GLIS3: variants seen among roughly 807,000 people sequenced by gnomAD.
The protein encoded by GLIS3 is zinc finger protein GLIS3.
Under a neutral mutation model 78.6 loss-of-function variants are expected in GLIS3, and 53 were observed. The observed-to-expected ratio is 0.67, with a 90% CI of 0.54 to 0.85. The LOEUF (loss-of-function observed/expected upper bound fraction) is 0.85, where lower values mean the gene tolerates loss of function less well. GLIS3 is among the 40% of genes least tolerant of loss of function. The probability of loss-of-function intolerance (pLI) is 0.00; values close to 1 mark genes in which losing one functional copy is unlikely to be tolerated. For missense variants in GLIS3, 1,703 were observed against 1,231.1 expected (o/e 1.38, Z -5.74); for synonymous variants, 684 against 509.9 (o/e 1.34, Z -4.60).
chr9:3,955,949 T>G (rs1817070838), intron 4 of GLIS3, among the ~76,000 whole-genome samples: 1 of 143,592 alleles, frequency 7.0e-6, no homozygotes, highest in Non-Finnish European at 1.5e-5. Flanking sequence ...AGTATATACG[T>G]ACAAGTGATT....
chr9:4,421,656 C>G, the GLIS3 span, among the ~76,000 whole-genome samples: 1 of 152,214 alleles, frequency 6.6e-6, no homozygotes, highest in Admixed American at 6.5e-5. Context: ...TACTGCATAG[C>G]TCACTGCCTT....
At chr9:4,032,357 C>G (rs1405454213) in intron 4 of GLIS3, among the ~76,000 whole-genome samples, 1 of 152,172 alleles carries the variant, frequency 6.6e-6, no homozygotes, top group Non-Finnish European at 1.5e-5. Flanking sequence ...AGCGTAATCA[C>G]CAAGAACCAA....
At chr9:4,464,906 C>T in the GLIS3 span, among the ~76,000 whole-genome samples, 1 of 152,112 alleles carries the variant, frequency 6.6e-6, no homozygotes, top group African/African-American at 2.4e-5. Flanking sequence ...AAGAAACCCC[C>T]CAAAATGGTA....
rs752036990 is a variant in GLIS3, at chr9:4,117,963, G to C, written c.1515C>G (p.Ile505Met). Residue 505 changes from isoleucine to methionine, a missense_variant, in exon 4 of 11, where the codon ATC (isoleucine) becomes ATG (methionine). By Grantham distance (10) the Ile-to-Met change is conservative. Coordinates refer to ENST00000381971, the MANE Select transcript of GLIS3 (RefSeq NM_001042413.2). Reference protein sequence around the residue: ...GIGGKHCCRWIDCSALYDQQE... With the variant: ...GIGGKHCCRWMDCSALYDQQE... ...GCTGGTCGTACAGGGCGCTGCAGTC[G>C]ATCCAGCGGCAGCAATGCTTGCCCC... 111 of 1,613,704 alleles carry C rather than the reference G, an allele frequency of 6.9e-5. No individual in the cohort carries two copies. Among genetic ancestry groups the C allele is most frequent in the Non-Finnish European group, 8.7e-5 (103 of 1,179,998 alleles).
At chr9:4,419,671 T>G in the GLIS3 span, among the ~76,000 whole-genome samples, 1 of 152,018 alleles carries the variant, frequency 6.6e-6, no homozygotes, top group Non-Finnish European at 1.5e-5. Flanking sequence ...TCCCAGCTAC[T>G]TGGGAGGCTG....
the GLIS3 span, among the ~76,000 whole-genome samples, chr9:4,430,403 C>G: frequency 3.3e-4 from 50 of 152,184 alleles, no homozygotes; most frequent in Non-Finnish European, 1.5e-4. Context: ...TTGCAGCTCC[C>G]CGTCTAGACA....
chr9:4,383,547 AAGC>A, the GLIS3 span, among the ~76,000 whole-genome samples: 2 of 152,222 alleles, frequency 1.3e-5, no homozygotes, highest in Non-Finnish European at 2.9e-5. Context: ...TGTGCTCCAA[AAGC>A]AGTTTCTATA....
At chr9:4,266,985 A>G (rs1456984901) in intron 2 of GLIS3, among the ~76,000 whole-genome samples, 1 of 152,220 alleles carries the variant, frequency 6.6e-6, no homozygotes, top group Non-Finnish European at 1.5e-5. Context: ...TTATGGAAAT[A>G]CTTCATAGAC....
intron 1 of GLIS3, among the ~76,000 whole-genome samples, chr9:4,288,244 A>C (rs185434392): frequency 6.6e-6 from 1 of 152,130 alleles, no homozygotes; most frequent in African/African-American, 2.4e-5. Context: ...TTGGCCATCT[A>C]TTTTCCTCTC....
At chr9:3,928,051 G>A (rs544709399) in intron 6 of GLIS3, among the ~76,000 whole-genome samples, 4 of 152,336 alleles carry the variant, frequency 2.6e-5, no homozygotes, top group South Asian at 2.1e-4. Context: ...TGTGAGGTAA[G>A]TAATGCATCA....
At chr9:4,392,910 T>C in the GLIS3 span, among the ~76,000 whole-genome samples, 4 of 151,966 alleles carry the variant, frequency 2.6e-5, no homozygotes, top group Non-Finnish European at 5.9e-5. Flanking sequence ...TAGATCACTA[T>C]TCTTCCTGAA....
Position 3,908,706 on chromosome 9 carries a change from GTTTTTTTTT to G in GLIS3, c.1984-9880_1984-9872del, listed in dbSNP as rs34789708. Among the ~76,000 whole-genome samples the G allele has an allele frequency of 1.5e-4, 13 of 85,562 alleles. No homozygotes were observed. The East Asian group carries it at 1.7e-3, about 11-fold the overall frequency. 56.1% of individuals were successfully genotyped at this position (85,562 alleles called of 152,430 possible). A position where few individuals can be genotyped will look rare whatever the true frequency, so the allele number is the denominator to read the frequency against. ...GCACCATCAATTGTGATTTGTATTT[GTTTTTTTTT>G]TTTTTTTTTTTTTGTACAGGATTAT... On this transcript the variant is annotated intron_variant, in intron 6 of 10. Coordinates refer to ENST00000381971, the MANE Select transcript of GLIS3 (RefSeq NM_001042413.2).
chr9:4,237,918 C>T (rs1822921477), intron 2 of GLIS3, among the ~76,000 whole-genome samples: 1 of 152,130 alleles, frequency 6.6e-6, no homozygotes, highest in African/African-American at 2.4e-5. Flanking sequence ...ATTCACTAGC[C>T]CAGCAGCTGC....
At chr9:4,036,784 T>C (rs868469499) in intron 4 of GLIS3, among the ~76,000 whole-genome samples, 2 of 152,198 alleles carry the variant, frequency 1.3e-5, no homozygotes, top group Admixed American at 6.5e-5. Context: ...GTGGGTGATA[T>C]ACCAGGAGGA....
intron 2 of GLIS3, among the ~76,000 whole-genome samples, chr9:4,216,488 A>AAAAAG (rs1265512022): frequency 1.3e-4 from 19 of 150,910 alleles, no homozygotes; most frequent in Non-Finnish European, 2.4e-4. Flanking sequence ...TCAAAAAAAA[A>AAAAAG]AAAAGAAAAG....
intron 4 of GLIS3, among the ~76,000 whole-genome samples, chr9:3,938,523 G>A (rs1992678): frequency 0.14 from 21,080 of 151,956 alleles, 1,732 homozygotes; most frequent in Middle Eastern, 0.23. Context: ...AATAAGGGAC[G>A]AACTAAGTAA....
At chr9:3,849,059 T>G (rs1819239772) in intron 9 of GLIS3, among the ~76,000 whole-genome samples, 4 of 152,218 alleles carry the variant, frequency 2.6e-5, no homozygotes, top group Admixed American at 2.6e-4. Context: ...AGCTTCATGG[T>G]GTTTTCCTAA....
At chr9:3,936,086 T>C (rs1825885284) in intron 5 of GLIS3, among the ~76,000 whole-genome samples, 1 of 152,204 alleles carries the variant, frequency 6.6e-6, no homozygotes, top group Admixed American at 6.5e-5. Flanking sequence ...ATTCAAACTC[T>C]GGTGTAGTTT....
At chr9:4,356,874 A>G in the GLIS3 span, among the ~76,000 whole-genome samples, 5 of 152,234 alleles carry the variant, frequency 3.3e-5, no homozygotes, top group African/African-American at 4.8e-5. Context: ...AAAAGGTTAA[A>G]TTGGACTTTC....
Sources: allele counts gnomAD v4.1 joint callset (sites outside exome capture counted in the v4.1 genomes callset), GRCh38; gene constraint gnomAD v4.1.1; transcripts MANE v1.5; gene names NCBI Gene and HGNC (gene_info 2026-07-23, HGNC 2026-07-21).